Variants in ROR2 observed in about 807,000 individuals in gnomAD.
ROR2 encodes the protein ROR family WNT receptor 2.
A neutral mutation model predicts 74.9 loss-of-function variants in ROR2; 33 were observed. The observed-to-expected ratio is 0.44, with a 90% CI of 0.33 to 0.59. ROR2 has a LOEUF of 0.59. Ranked by LOEUF, ROR2 falls within the 20% of genes least tolerant of loss-of-function variation. ROR2 has a pLI of 0.02. For synonymous variants in ROR2, 586 were observed against 558.7 expected (o/e 1.05, Z -0.69); for missense variants, 1,216 against 1,313.8 (o/e 0.93, Z 1.15).
At chr9:91,848,764 G>GAAAAAAAAAAAAAAAAAAAAAA (rs36044426) in intron 1 of ROR2, among the ~76,000 whole-genome samples, 1 of 103,756 alleles carries the variant, frequency 9.6e-6, no homozygotes. Flanking sequence ...CAGGGGGGAA[G>GAAAAAAAAAAAAAAAAAAAAAA]AAAAAAAAAA....
chr9:91,807,101 AGAAG>A (rs1038025955), intron 1 of ROR2, among the ~76,000 whole-genome samples: 1 of 152,208 alleles, frequency 6.6e-6, no homozygotes, highest in African/African-American at 2.4e-5. Flanking sequence ...GGCTATGTAG[AGAAG>A]GAAGGCTACA....
At chr9:91,915,974 C>A (rs1358796537) in intron 1 of ROR2, among the ~76,000 whole-genome samples, 2 of 152,222 alleles carry the variant, frequency 1.3e-5, no homozygotes, top group Non-Finnish European at 2.9e-5. Context: ...AGACCAAGTT[C>A]CTGGCTTAGG....
chr9:91,739,186 G>A (rs28630390), intron 4 of ROR2, among the ~76,000 whole-genome samples: 3,439 of 152,244 alleles, frequency 0.023, 137 homozygotes, highest in African/African-American at 0.078. Flanking sequence ...ATTTAGAGTA[G>A]ACCATCCCCA....
intron 1 of ROR2, among the ~76,000 whole-genome samples, chr9:91,875,902 A>G (rs1222143902): frequency 6.6e-6 from 1 of 152,158 alleles, no homozygotes; most frequent in Non-Finnish European, 1.5e-5. Flanking sequence ...TTCATCAGAA[A>G]GCAAGGTGGG....
intron 1 of ROR2, among the ~76,000 whole-genome samples, chr9:91,808,873 C>T (rs1339514741): frequency 6.6e-6 from 1 of 150,404 alleles, no homozygotes; most frequent in South Asian, 2.1e-4. Context: ...CGTGGTGGCA[C>T]GTGCCTGTAG....
At chr9:91,756,445 T>C (rs1391172261) in intron 3 of ROR2, among the ~76,000 whole-genome samples, 1 of 152,142 alleles carries the variant, frequency 6.6e-6, no homozygotes, top group Non-Finnish European at 1.5e-5. Context: ...TGGGAGTTTT[T>C]CACAGGTGGG....
In ROR2 at chr9:91,869,460, T is replaced by C. The variant is rs1829731635; in HGVS notation, c.97+80407A>G. Among the ~76,000 whole-genome samples the C allele has an allele frequency of 2.0e-5, 3 of 152,280 alleles. No homozygotes were observed. The South Asian group carries it at 6.2e-4, about 32-fold the overall frequency. ...TGGATAAGCGAACCGTGAACCCCTA[T>C]ACAATGAAATACTGCTCGGCAATAG... On this transcript the variant is annotated intron_variant, in intron 1 of 8. Coordinates refer to ENST00000375708, the MANE Select transcript of ROR2 (RefSeq NM_004560.4).
intron 1 of ROR2, among the ~76,000 whole-genome samples, chr9:91,792,401 C>T (rs1395100791): frequency 1.3e-5 from 2 of 150,444 alleles, no homozygotes; most frequent in African/African-American, 2.5e-5. Flanking sequence ...TCCCGCCTCC[C>T]GGGTTCACAC....
chr9:91,927,186 G>A (rs141218921), intron 1 of ROR2, among the ~76,000 whole-genome samples: 5 of 152,306 alleles, frequency 3.3e-5, no homozygotes, highest in East Asian at 1.9e-4. Context: ...CCCAAACTGC[G>A]TCCTGGACAC....
At chr9:91,880,562 T>C (rs1257992513) in intron 1 of ROR2, among the ~76,000 whole-genome samples, 1 of 152,204 alleles carries the variant, frequency 6.6e-6, no homozygotes, top group African/African-American at 2.4e-5. Context: ...AAATACCAAA[T>C]GCTGATTCAT....
chr9:91,891,419 A>G (rs1009715864), intron 1 of ROR2, among the ~76,000 whole-genome samples: 3 of 151,798 alleles, frequency 2.0e-5, no homozygotes, highest in African/African-American at 7.3e-5. Flanking sequence ...CAGGCACCCA[A>G]CACCACTCCC....
chr9:91,862,384 G>C (rs958871601), intron 1 of ROR2, among the ~76,000 whole-genome samples: 3 of 151,902 alleles, frequency 2.0e-5, no homozygotes, highest in African/African-American at 7.3e-5. Context: ...GCAGCCAGGA[G>C]TGGTGGCTCA....
At chr9:91,826,155 G>A (rs907268127) in intron 1 of ROR2, among the ~76,000 whole-genome samples, 5 of 152,182 alleles carry the variant, frequency 3.3e-5, no homozygotes, top group African/African-American at 1.2e-4. Flanking sequence ...CCCAAGAAGC[G>A]TGACTACCAG....
intron 1 of ROR2, among the ~76,000 whole-genome samples, chr9:91,850,647 C>G (rs1460356402): frequency 6.6e-6 from 1 of 152,216 alleles, no homozygotes; most frequent in African/African-American, 2.4e-5. Flanking sequence ...GCCTGCAGAA[C>G]TGTAAGGGGA....
At chr9:91,829,723 G>A (rs531050107) in intron 1 of ROR2, among the ~76,000 whole-genome samples, 2 of 152,212 alleles carry the variant, frequency 1.3e-5, no homozygotes, top group East Asian at 1.9e-4. Flanking sequence ...ACCAGCTGAC[G>A]CCTTCCTACG....
intron 4 of ROR2, among the ~76,000 whole-genome samples, chr9:91,739,170 A>G (rs1274679118): frequency 6.6e-6 from 1 of 152,180 alleles, no homozygotes; most frequent in African/African-American, 2.4e-5. Flanking sequence ...TTTCCATTCT[A>G]CATCCATTTA....
chr9:91,858,440 C>T (rs1829366701), intron 1 of ROR2, among the ~76,000 whole-genome samples: 1 of 152,110 alleles, frequency 6.6e-6, no homozygotes, highest in Admixed American at 6.5e-5. Flanking sequence ...GGGCACACAC[C>T]CCACAGAGCA....
intron 1 of ROR2, among the ~76,000 whole-genome samples, chr9:91,844,574 G>A (rs1352804064): frequency 4.6e-5 from 7 of 152,182 alleles, no homozygotes; most frequent in African/African-American, 9.7e-5. Flanking sequence ...TCCACTGTAC[G>A]ATATTCTTAG....
chr9:91,948,635 A>G, intron 1 of ROR2: 1 of 985,506 alleles, frequency 1.0e-6, no homozygotes, highest in Non-Finnish European at 1.2e-6. Flanking sequence ...GCAGGCCAGG[A>G]TACCTGGAGC....
Sources: allele counts gnomAD v4.1 joint callset (sites outside exome capture counted in the v4.1 genomes callset), GRCh38; gene constraint gnomAD v4.1.1; transcripts MANE v1.5; gene names NCBI Gene and HGNC (gene_info 2026-07-23, HGNC 2026-07-21).